Variants in ADAT1 observed in about 807,000 individuals in gnomAD.
ADAT1 encodes adenosine deaminase tRNA specific 1, also known as tRNA-specific adenosine deaminase 1.
Under a neutral mutation model 58.6 loss-of-function variants are expected in ADAT1, and 58 were observed. The ratio of observed to expected loss-of-function variants is 0.99; its 90% confidence interval spans 0.80 to 1.23. ADAT1 has a LOEUF of 1.23. Among genes scored for constraint, ADAT1 ranks in the 50% most tolerant of loss-of-function variants. The pLI is 0.00. For synonymous variants in ADAT1, 254 were observed against 220.8 expected, an observed-to-expected ratio of 1.15 and a Z score of -1.33; for missense variants, 741 against 608.6, an observed-to-expected ratio of 1.22 and a Z score of -2.29.
rs771452359 is a variant in ADAT1, at chr16:75,620,827, C to T, written c.-21-7G>A. The T allele has an allele frequency of 2.5e-6, 4 of 1,592,492 alleles. No individual in the cohort carries two copies. The South Asian group carries it at 4.5e-5, about 18-fold the overall frequency. ...TCTGAGCTGGTATTGAGACCTTGAT[C>T]AAAAACCACAACCATCAGAAGTACG... On this transcript the variant is annotated splice_region_variant and splice_polypyrimidine_tract_variant and intron_variant, in intron 1 of 9. Coordinates refer to ENST00000564657, the MANE Select transcript of ADAT1 (RefSeq NM_001324445.2).
intron 9 of ADAT1, among the ~76,000 whole-genome samples, chr16:75,600,570 A>G (rs2081200374): frequency 6.6e-6 from 1 of 152,250 alleles, no homozygotes; most frequent in Admixed American, 6.5e-5. Flanking sequence ...CTCAGGGCGC[A>G]TAACATTGCT....
Position 75,598,356 on chromosome 16 carries a change from G to C in ADAT1, c.*1860C>G. The stretch of plus-strand genomic sequence containing the variant: ...CCTAAAGTGTTGGGATTACAGGCGT[G>C]AGCCACTGCACCCGGCCAGGAATAC... On this transcript the variant is annotated 3_prime_UTR_variant, in exon 10 of 10. Coordinates refer to ENST00000564657, the MANE Select transcript of ADAT1 (RefSeq NM_001324445.2). 4.9e-6 allele frequency: 1 copy of C among 205,814 alleles called. No homozygotes were observed. The highest frequency in any genetic ancestry group is 4.9e-5 in the South Asian group (1 of 20,258). 12.7% of individuals were successfully genotyped at this position (205,814 alleles called of 1,614,324 possible).
Position 75,599,947 on chromosome 16 carries a change from C to A in ADAT1, c.*269G>T. The stretch of plus-strand genomic sequence containing the variant: ...AGAGTACTTTCAAAGCATCATGTTC[C>A]AAACTCTGATTTCATATTTTAGAGA... On this transcript the variant is annotated 3_prime_UTR_variant, in exon 10 of 10. Transcript: ENST00000564657. The A allele has an allele frequency of 8.4e-7, 1 of 1,190,396 alleles. No individual in the cohort carries two copies. The highest frequency in any genetic ancestry group is 1.0e-6 in the Non-Finnish European group (1 of 957,072). 73.7% of individuals were successfully genotyped at this position (1,190,396 alleles called of 1,614,324 possible). A position where few individuals can be genotyped will look rare whatever the true frequency, so the allele number is the denominator to read the frequency against.
chr16:75,622,206 ATTG>A (rs2081953883), intron 1 of ADAT1, among the ~76,000 whole-genome samples, 194 bp downstream of exon 1: 1 of 152,162 alleles, frequency 6.6e-6, no homozygotes, highest in South Asian at 2.1e-4. Context: ...GAAAGATGGT[ATTG>A]TTATGAATCC....
intron 5 of ADAT1, among the ~76,000 whole-genome samples, chr16:75,615,268 C>T (rs1290024130): frequency 1.3e-5 from 2 of 150,470 alleles, no homozygotes; most frequent in Admixed American, 6.6e-5. Context: ...TTGCAAAATT[C>T]ACTACATAGT....
intron 9 of ADAT1, among the ~76,000 whole-genome samples, chr16:75,600,940 C>T (rs1022083694): frequency 5.3e-5 from 8 of 152,102 alleles, no homozygotes; most frequent in African/African-American, 1.2e-4. Flanking sequence ...AGGGAATTCA[C>T]GAGAAAGCAA....
intron 5 of ADAT1, among the ~76,000 whole-genome samples, chr16:75,616,009 T>C (rs2081706961): frequency 6.6e-6 from 1 of 151,980 alleles, no homozygotes; most frequent in South Asian, 2.1e-4. Context: ...TCTCTCTTTT[T>C]TTTTTTTTCC....
chr16:75,618,509 C>CAAAA, intron 4 of ADAT1, 77 bp downstream of exon 4: 46 of 780,036 alleles, frequency 5.9e-5, no homozygotes, highest in South Asian at 1.3e-4. Context: ...CTGTCCCCCC[C>CAAAA]AAAAAAAAAA....
Position 75,608,978 on chromosome 16 carries a change from C to T in ADAT1, c.1054G>A (p.Val352Met), listed in dbSNP as rs1374427775. 6.2e-7 allele frequency: 1 copy of T among 1,614,184 alleles called. No individual in the cohort carries two copies. ...CCGAAGCCTTTTGGTAAAGCAGACACATTCTGACACCTAAATACAAGGGAA... is the reference window on the plus strand; with the variant it reads ...CCGAAGCCTTTTGGTAAAGCAGACATATTCTGACACCTAAATACAAGGGAA... Reference protein sequence around the residue: ...QRALIGRCQNVSALPKGFGVQ... With the variant: ...QRALIGRCQNMSALPKGFGVQ... Residue 352 changes from valine to methionine, a missense_variant, in exon 7 of 10, where the codon GTG becomes ATG. Coordinates refer to ENST00000564657, the MANE Select transcript of ADAT1 (RefSeq NM_001324445.2).
Position 75,599,920 on chromosome 16 carries a change from G to T in ADAT1, c.*296C>A. 8.9e-7 allele frequency: 1 copy of T among 1,122,818 alleles called. No individual in the cohort carries two copies. The highest frequency in any genetic ancestry group is 1.1e-6 in the Non-Finnish European group (1 of 915,660). 69.6% of individuals were successfully genotyped at this position (1,122,818 alleles called of 1,614,324 possible). On this transcript the variant is annotated 3_prime_UTR_variant, in exon 10 of 10. Coordinates refer to ENST00000564657, the MANE Select transcript of ADAT1 (RefSeq NM_001324445.2). Reference sequence around the variant, plus strand: ...TAGGAACCCATAAAACAGAGCTGCTGCAGAGTACTTTCAAAGCATCATGTT... The same window carrying T: ...TAGGAACCCATAAAACAGAGCTGCTTCAGAGTACTTTCAAAGCATCATGTT...
At chr16:75,609,068 C>A (rs763101431) in intron 6 of ADAT1, 80 bp from the exon 7 acceptor site, 12 of 1,514,320 alleles carry the variant, frequency 7.9e-6, no homozygotes, top group Non-Finnish European at 9.9e-6. Context: ...CACATCATCA[C>A]CCCTGAGCCT....
chr16:75,611,787 G>A (rs1038341100), intron 6 of ADAT1, among the ~76,000 whole-genome samples: 1 of 152,090 alleles, frequency 6.6e-6, no homozygotes, highest in African/African-American at 2.4e-5. Flanking sequence ...GCCGGGCGCG[G>A]TGGCTCACAC....
Position 75,612,769 on chromosome 16 carries a change from CT to C in ADAT1, c.516del (p.Ala173ProfsTer21), listed in dbSNP as rs757207693. 5 of 1,613,990 alleles carry C rather than the reference CT, an allele frequency of 3.1e-6. No homozygotes were observed. The Admixed American group carries it at 6.7e-5, about 22-fold the overall frequency. On this transcript the variant is annotated frameshift_variant, in exon 6 of 10. Transcript: ENST00000564657. LOFTEE classifies it high-confidence loss of function. The part of the protein sequence containing the change: ...FRNWAHNSSV[E>X]ASSNLEAPGN... ...CCAGGAGCTTCCAGGTTACTACTGG[CT>C]TCTACTGATGAGTTGTGGGCCCAAT...
Position 75,623,013 on chromosome 16 carries a change from G to C in ADAT1, c.-632C>G, listed in dbSNP as rs2081978805. ...AAGCCATGCAGTGAGAACAGCGTGA[G>C]CGCCTGATCCATTGGGTCCTGCGGC... On this transcript the variant is annotated 5_prime_UTR_variant, in exon 1 of 10. Coordinates refer to ENST00000564657, the MANE Select transcript of ADAT1 (RefSeq NM_001324445.2). 1 of 152,112 alleles carries C rather than the reference G, an allele frequency of 6.6e-6. No individual in the cohort carries two copies. The highest frequency in any genetic ancestry group is 1.5e-5 in the Non-Finnish European group (1 of 68,080). 9.4% of individuals were successfully genotyped at this position (152,112 alleles called of 1,614,324 possible). A position where few individuals can be genotyped will look rare whatever the true frequency, so the allele number is the denominator to read the frequency against.
At chr16:75,605,568 G>C (rs1304699239) in intron 8 of ADAT1, among the ~76,000 whole-genome samples, 1 of 152,088 alleles carries the variant, frequency 6.6e-6, no homozygotes, top group Non-Finnish European at 1.5e-5. Context: ...TTGACTGCAA[G>C]GTGGGTCGGC....
At chr16:75,615,395 T>C (rs2081669810) in intron 5 of ADAT1, among the ~76,000 whole-genome samples, 1 of 145,408 alleles carries the variant, frequency 6.9e-6, no homozygotes, top group Non-Finnish European at 1.5e-5. Flanking sequence ...GTCCAGTATT[T>C]TGGCTTCCCT....
At chr16:75,606,016 TTTG>T (rs1356428975) in intron 8 of ADAT1, among the ~76,000 whole-genome samples, 3 of 147,846 alleles carry the variant, frequency 2.0e-5, no homozygotes, top group Admixed American at 6.9e-5. Context: ...CTTTTGGGTT[TTTG>T]TTGTTGTTGC....
rs1311398690 is a variant in ADAT1, at chr16:75,596,984, T to C, written c.*3232A>G. 1.3e-5 allele frequency: 2 copies of C among 152,614 alleles called. No individual in the cohort carries two copies. Among genetic ancestry groups the C allele is most frequent in the Non-Finnish European group, 1.5e-5 (1 of 68,206 alleles). 9.5% of individuals were successfully genotyped at this position (152,614 alleles called of 1,614,324 possible). ...CAGTCACAAAAGACCACATATTCTA[T>C]GATTCCATTTATATGAAATGTTCAG... On this transcript the variant is annotated 3_prime_UTR_variant, in exon 10 of 10. Transcript: ENST00000564657.
intron 4 of ADAT1, among the ~76,000 whole-genome samples, chr16:75,618,373 G>A (rs2081810221): frequency 6.6e-6 from 1 of 151,712 alleles, no homozygotes; most frequent in Non-Finnish European, 1.5e-5. Flanking sequence ...GAGCATGGTG[G>A]CACGGGCCTG....
Sources: allele counts gnomAD v4.1 joint callset (sites outside exome capture counted in the v4.1 genomes callset), GRCh38; gene constraint gnomAD v4.1.1; transcripts MANE v1.5; gene names NCBI Gene and HGNC (gene_info 2026-07-23, HGNC 2026-07-21).